The following ADGRV1 variants were observed in gnomAD, a reference collection of about 807,000 sequenced individuals.
The protein encoded by ADGRV1 is adhesion G protein-coupled receptor V1, also known as G-protein coupled receptor 98.
A neutral mutation model predicts 596.2 loss-of-function variants in ADGRV1; 359 were observed. The observed-to-expected ratio is 0.60, with a 90% confidence interval of 0.55 to 0.66. The LOEUF (loss-of-function observed/expected upper bound fraction) is 0.66. ADGRV1 is among the 30% of genes least tolerant of loss of function. ADGRV1 has a pLI of 0.00. For missense variants in ADGRV1, 7,274 were observed against 7,575.6 expected (o/e 0.96, Z 1.48); for synonymous variants, 2,681 against 2,679.2 (o/e 1.00, Z -0.02).
intron 83 of ADGRV1, among the ~76,000 whole-genome samples, chr5:90,911,921 G>A (rs779324721): frequency 2.8e-4 from 42 of 152,036 alleles, no homozygotes; most frequent in Non-Finnish European, 5.9e-4. Context: ...TAAGGAAACA[G>A]CTGCTAAGTC....
chr5:90,953,208 T>C (rs1288918435), intron 83 of ADGRV1, among the ~76,000 whole-genome samples: 1 of 152,160 alleles, frequency 6.6e-6, no homozygotes, highest in Admixed American at 6.6e-5. Flanking sequence ...AGAACTGAGC[T>C]GAGGTCAGGT....
chr5:91,029,905 T>C (rs1346574363), intron 85 of ADGRV1, among the ~76,000 whole-genome samples: 1 of 152,168 alleles, frequency 6.6e-6, no homozygotes, highest in East Asian at 1.9e-4. Flanking sequence ...CTTACAGTGT[T>C]TTCTAAACTA....
intron 79 of ADGRV1, chr5:90,850,626 A>C (rs905768201): frequency 6.6e-6 from 1 of 152,224 alleles, no homozygotes; most frequent in African/African-American, 2.4e-5. Flanking sequence ...CAAGCAGTTC[A>C]TAGCTTTGCA....
chr5:91,129,352 T>A (rs1038350647), intron 87 of ADGRV1, among the ~76,000 whole-genome samples: 1 of 152,246 alleles, frequency 6.6e-6, no homozygotes, highest in Non-Finnish European at 1.5e-5. Context: ...CTCCCCTGCC[T>A]GTGAGTTCTA....
intron 85 of ADGRV1, among the ~76,000 whole-genome samples, chr5:91,015,033 T>G (rs932775180): frequency 1.3e-5 from 2 of 152,090 alleles, no homozygotes; most frequent in Non-Finnish European, 2.9e-5. Flanking sequence ...TGAATTTCCC[T>G]CTTAACACTA....
chr5:90,559,043 A>G, intron 1 of ADGRV1, 126 bp downstream of exon 1: 1 of 786,010 alleles, frequency 1.3e-6, no homozygotes, highest in Non-Finnish European at 1.8e-6. Context: ...AGCCGGGCCC[A>G]GGGAGGCTGG....
chr5:91,019,389 G>T (rs1186868827), intron 85 of ADGRV1, among the ~76,000 whole-genome samples: 2 of 151,928 alleles, frequency 1.3e-5, no homozygotes, highest in Non-Finnish European at 1.5e-5. Flanking sequence ...CTTTAATCTG[G>T]TATGGATGAT....
rs371981035 is a variant in ADGRV1, at chr5:90,810,231, A to G, written c.14973-2A>G. 2.9e-5 allele frequency: 45 copies of G among 1,534,776 alleles called. No homozygotes were observed. Among genetic ancestry groups the G allele is most frequent in the African/African-American group, 1.4e-5 (1 of 71,960 alleles). On this transcript the variant is annotated splice_acceptor_variant, in intron 73 of 89. Coordinates refer to ENST00000405460, the MANE Select transcript of ADGRV1 (RefSeq NM_032119.4). LOFTEE classifies it high-confidence loss of function. ...TTCTTCATGATTTAATTTTTTTCCC[A>G]GATCAGGTTTCATTGTTGCTGAAAT... is the stretch of plus-strand genomic sequence containing the variant.
intron 1 of ADGRV1, among the ~76,000 whole-genome samples, chr5:90,583,953 T>C (rs1201855187): frequency 6.6e-6 from 1 of 152,228 alleles, no homozygotes; most frequent in Non-Finnish European, 1.5e-5. Context: ...TCTTTGTTAA[T>C]AGAAAATGTA....
intron 27 of ADGRV1, among the ~76,000 whole-genome samples, chr5:90,682,024 G>A (rs541187796): frequency 7.2e-5 from 11 of 152,062 alleles, no homozygotes; most frequent in South Asian, 4.2e-4. Flanking sequence ...GCACCACCAC[G>A]CCCGGCTAAT....
chr5:90,818,924 C>A (rs1017752213), intron 75 of ADGRV1, among the ~76,000 whole-genome samples: 5 of 150,612 alleles, frequency 3.3e-5, no homozygotes, highest in African/African-American at 7.3e-5. Flanking sequence ...ATGATGCTGG[C>A]CTCATAAAAT....
chr5:90,982,861 G>T (rs1039637399), intron 84 of ADGRV1, among the ~76,000 whole-genome samples: 1 of 152,108 alleles, frequency 6.6e-6, no homozygotes, highest in African/African-American at 2.4e-5. Context: ...AGAGAGGCAG[G>T]GTTTGGAAAA....
At position 90,653,191 on chromosome 5, in the gene ADGRV1, T is replaced by C. The variant is rs767655969; in HGVS notation, c.3635-18T>C. 1.8e-5 allele frequency: 28 copies of C among 1,569,966 alleles called. No homozygotes were observed. The highest frequency in any genetic ancestry group is 2.2e-5 in the Non-Finnish European group (25 of 1,158,164). The stretch of plus-strand genomic sequence containing the variant: ...ACTTGAAATTCTAGTTTCTCACTCA[T>C]AAATTTTCTTGTTACAGGTGGATCC... On this transcript the variant is annotated intron_variant, in intron 19 of 89. Transcript: ENST00000405460.
intron 75 of ADGRV1, among the ~76,000 whole-genome samples, chr5:90,817,546 G>A (rs1763023325): frequency 6.6e-6 from 1 of 151,606 alleles, no homozygotes; most frequent in Non-Finnish European, 1.5e-5. Context: ...TATGGTTTTA[G>A]GTCTAATGTT....
intron 83 of ADGRV1, among the ~76,000 whole-genome samples, chr5:90,917,182 C>G (rs1001940564): frequency 6.6e-6 from 1 of 152,098 alleles, no homozygotes; most frequent in Non-Finnish European, 1.5e-5. Context: ...CACAACTTTC[C>G]TGGAATTGGG....
intron 85 of ADGRV1, among the ~76,000 whole-genome samples, chr5:91,029,101 C>T (rs1412205025): frequency 1.3e-5 from 2 of 152,100 alleles, no homozygotes; most frequent in African/African-American, 4.8e-5. Flanking sequence ...AATTCCACTC[C>T]ACATTCTACT....
rs988896931 is a variant in ADGRV1 at position 90,627,962 on chromosome 5, A to G, written c.1238+186A>G. Reference sequence around the variant, plus strand: ...CACACACACACACACACACACACACAAGAATATGTCATTTTTTCTACCATG... The same window carrying G: ...CACACACACACACACACACACACACGAGAATATGTCATTTTTTCTACCATG... On this transcript the variant is annotated intron_variant, in intron 7 of 89. Transcript: ENST00000405460. The G allele has an allele frequency of 2.5e-5, 10 of 406,934 alleles. No homozygotes were observed. The East Asian group carries it at 3.4e-4, about 14-fold the overall frequency. 25.2% of individuals were successfully genotyped at this position (406,934 alleles called of 1,614,324 possible).
intron 87 of ADGRV1, among the ~76,000 whole-genome samples, chr5:91,135,160 CAG>C (rs1357946314): frequency 7.2e-6 from 1 of 138,418 alleles, no homozygotes; most frequent in Non-Finnish European, 1.5e-5. Context: ...GCCTGGGAGA[CAG>C]AGTGAGACTC....
intron 29 of ADGRV1, among the ~76,000 whole-genome samples, chr5:90,688,835 G>A (rs138836154): frequency 6.6e-6 from 1 of 152,310 alleles, no homozygotes; most frequent in East Asian, 1.9e-4. Flanking sequence ...GGGAAAATGG[G>A]CAGCTACATG....
Sources: allele counts gnomAD v4.1 joint callset (sites outside exome capture counted in the v4.1 genomes callset), GRCh38; gene constraint gnomAD v4.1.1; transcripts MANE v1.5; gene names NCBI Gene and HGNC (gene_info 2026-07-23, HGNC 2026-07-21).